The following MINPP1 variants were observed in gnomAD, a reference collection of about 807,000 sequenced individuals.
The protein encoded by MINPP1 is multiple inositol-polyphosphate phosphatase 1.
Under a neutral mutation model 46.1 loss-of-function variants are expected in MINPP1, and 28 were observed. The ratio of observed to expected loss-of-function variants is 0.61; its 90% CI spans 0.45 to 0.83. The LOEUF is 0.83. Among genes scored for constraint, MINPP1 ranks in the 40% least tolerant of loss-of-function variants. The pLI, the probability that MINPP1 is intolerant of heterozygous loss-of-function variation, is 0.00. For synonymous variants in MINPP1, 268 were observed against 249.1 expected (o/e 1.08, Z -0.72); for missense variants, 603 against 610.0 (o/e 0.99, Z 0.12).
At chr10:87,528,100 C>A (rs1217483846) in intron 4 of MINPP1, among the ~76,000 whole-genome samples, 1 of 151,792 alleles carries the variant, frequency 6.6e-6, no homozygotes, top group African/African-American at 2.4e-5. Context: ...TCTTTCTTTT[C>A]TTCTTTATTA....
chr10:87,552,131 A>G lies in MINPP1; in HGVS notation c.1117A>G (p.Thr373Ala). 6.2e-7 allele frequency: 1 copy of G among 1,613,364 alleles called. No individual in the cohort carries two copies. The change falls in exon 5 of 5, where the codon ACT (threonine) becomes GCT (alanine). Residue 373 changes from threonine (T) to alanine (A), a missense_variant. Physicochemically the swap from Thr to Ala is moderately conservative, Grantham distance 58. Transcript: ENST00000371996. ...PVILQFGHAETLLPLLSLMGY... is the reference protein window; with the variant it reads ...PVILQFGHAEALLPLLSLMGY... ...CATCCTCCAGTTTGGTCATGCAGAG[A>G]CTCTTCTTCCACTGCTTTCTCTCAT...
At chr10:87,535,371 A>G (rs1245825954) in intron 4 of MINPP1, among the ~76,000 whole-genome samples, 1 of 152,220 alleles carries the variant, frequency 6.6e-6, no homozygotes, top group African/African-American at 2.4e-5. Context: ...ATCTTTTACT[A>G]CTATGCTTTA....
Position 87,552,092 on chromosome 10 carries a change from A to C in MINPP1, c.1078A>C (p.Ile360Leu), listed in dbSNP as rs776702297. Residue 360 changes from isoleucine (I) to leucine (L), a missense_variant, in exon 5 of 5, where the codon ATT (isoleucine) becomes CTT (leucine). Ile to Leu is a conservative substitution (Grantham distance 5, BLOSUM62 2). This residue lies in a region of MINPP1 where 344 missense variants were observed against 381.1 expected (regional missense o/e 0.90). Transcript: ENST00000371996. ...AVEQKQRSQPISSPVILQFGH... is the reference protein window; with the variant it reads ...AVEQKQRSQPLSSPVILQFGH... Reference sequence around the variant, plus strand: ...AATTTCTATTTGAAGGTCTCAGCCAATTTCTTCTCCAGTCATCCTCCAGTT... The same window carrying C: ...AATTTCTATTTGAAGGTCTCAGCCACTTTCTTCTCCAGTCATCCTCCAGTT... The C allele has an allele frequency of 1.2e-6, 2 of 1,612,128 alleles. No homozygotes were observed. Among genetic ancestry groups the C allele is most frequent in the South Asian group, 2.2e-5 (2 of 90,878 alleles).
At chr10:87,529,309 G>T (rs962225811) in intron 4 of MINPP1, among the ~76,000 whole-genome samples, 40 of 152,238 alleles carry the variant, frequency 2.6e-4, no homozygotes, top group African/African-American at 8.9e-4. Context: ...AGCCTCGATG[G>T]TCTTTACAAT....
intron 4 of MINPP1, among the ~76,000 whole-genome samples, chr10:87,546,398 T>A (rs1851886506): frequency 6.6e-6 from 1 of 152,216 alleles, no homozygotes. Flanking sequence ...GTCACTGTCT[T>A]TGCCCTCTTG....
At chr10:87,524,228 G>T (rs1851543238) in intron 4 of MINPP1, among the ~76,000 whole-genome samples, 1 of 152,192 alleles carries the variant, frequency 6.6e-6, no homozygotes, top group Admixed American at 6.5e-5. Flanking sequence ...AGGACTTGCT[G>T]CTTCAACTTA....
intron 4 of MINPP1, among the ~76,000 whole-genome samples, chr10:87,541,354 C>A (rs945071276): frequency 6.6e-6 from 1 of 152,138 alleles, no homozygotes. Flanking sequence ...GAAGAGCATT[C>A]TGAAATTCTT....
At chr10:87,532,465 A>G (rs1851674008) in intron 4 of MINPP1, among the ~76,000 whole-genome samples, 1 of 152,226 alleles carries the variant, frequency 6.6e-6, no homozygotes. Flanking sequence ...ACCCTTTAAG[A>G]CAGGAAATCG....
Position 87,505,535 on chromosome 10 carries a change from C to A in MINPP1, c.620C>A (p.Pro207Gln), listed in dbSNP as rs1374647901. ...TGGCAGCACTACCACCCTGGCTTGC[C>A]GCCGCCGGACGTCGCAGGTGACCCC... ...GLWQHYHPGL[P>Q]PPDVADMEFG... Residue 207 changes from proline to glutamine, a missense_variant, in exon 1 of 5, where the codon CCG becomes CAG. Transcript: ENST00000371996. The surrounding 1 kb of genome is among the most constrained non-coding windows in gnomAD (Gnocchi z 4.4). The A allele has an allele frequency of 2.5e-6, 4 of 1,607,570 alleles. No individual in the cohort carries two copies. The highest frequency in any genetic ancestry group is 3.4e-6 in the Non-Finnish European group (4 of 1,179,188).
chr10:87,547,975 A>C (rs1851911304), intron 4 of MINPP1, among the ~76,000 whole-genome samples: 1 of 152,218 alleles, frequency 6.6e-6, no homozygotes, highest in African/African-American at 2.4e-5. Flanking sequence ...GCAGGAATGA[A>C]GCCTGAGAGA....
rs1165283539 is a variant in MINPP1 at position 87,513,109 on chromosome 10, T to A, written c.836-15T>A. 1.9e-6 allele frequency: 3 copies of A among 1,591,528 alleles called. No homozygotes were observed. The Admixed American group carries it at 5.0e-5, about 27-fold the overall frequency. On this transcript the variant is annotated splice_polypyrimidine_tract_variant and intron_variant, in intron 2 of 4. Coordinates refer to ENST00000371996, the MANE Select transcript of MINPP1 (RefSeq NM_004897.5). ...AAATAATGACCCACAAAATTTTACC[T>A]TTTTTTCCCCCCAGATTTAATTCAA...
intron 4 of MINPP1, among the ~76,000 whole-genome samples, chr10:87,521,924 ATCCTC>A (rs1294180329): frequency 6.6e-6 from 1 of 152,042 alleles, no homozygotes; most frequent in African/African-American, 2.4e-5. Context: ...GGCTCAAGGA[ATCCTC>A]TCCCGTTGGT....
rs570332955 is a variant in MINPP1 at position 87,542,671 on chromosome 10, G to A, written c.1068-9411G>A. ...GAAACCTGCTTCCCCCTTGCCTTCC[G>A]TCATGATTGTAAGCCTCCTGAGGCC... On this transcript the variant is annotated intron_variant, in intron 4 of 4. Transcript: ENST00000371996. Among the ~76,000 whole-genome samples the A allele has an allele frequency of 5.9e-5, 9 of 152,230 alleles. No individual in the cohort carries two copies. The South Asian group carries it at 1.0e-3, about 18-fold the overall frequency.
intron 4 of MINPP1, among the ~76,000 whole-genome samples, chr10:87,545,249 T>TATTTTATAAGTTTTTCTA (rs1210124356): frequency 1.3e-5 from 2 of 152,130 alleles, no homozygotes; most frequent in African/African-American, 4.8e-5. Flanking sequence ...TTATAAGTTG[T>TATTTTATAAGTTTTTCTA]TTTTCTCTGA....
chr10:87,525,765 C>T (rs555654277), intron 4 of MINPP1, among the ~76,000 whole-genome samples: 1 of 152,320 alleles, frequency 6.6e-6, no homozygotes, highest in Admixed American at 6.5e-5. Context: ...GTCAAGTGCT[C>T]TCATTGTTCA....
chr10:87,550,663 C>A (rs1851950452), intron 4 of MINPP1, among the ~76,000 whole-genome samples: 1 of 151,996 alleles, frequency 6.6e-6, no homozygotes, highest in Non-Finnish European at 1.5e-5. Context: ...CAGAGCCCCC[C>A]CGTTCTGGTG....
In MINPP1 at chr10:87,527,059, G is replaced by T. The variant is rs981917202; in HGVS notation, c.1067+5890G>T. Among the ~76,000 whole-genome samples, 6 of 152,294 alleles carry T rather than the reference G, an allele frequency of 3.9e-5. No homozygotes were observed. In the East Asian group the frequency reaches 1.2e-3, roughly 29 times the overall value. ...TTTTTGGTTCCATGCGAACTTTAAA[G>T]TAGTTTTTTCCAATTCTGTGAAAAA... is the stretch of plus-strand genomic sequence containing the variant. On this transcript the variant is annotated intron_variant, in intron 4 of 4. Coordinates refer to ENST00000371996, the MANE Select transcript of MINPP1 (RefSeq NM_004897.5).
intron 4 of MINPP1, among the ~76,000 whole-genome samples, chr10:87,524,963 TA>T (rs1851554667): frequency 3.3e-5 from 2 of 59,734 alleles, no homozygotes; most frequent in Admixed American, 3.0e-4. Context: ...TAAAATGTGA[TA>T]CATTACTAAA....
At chr10:87,546,862 C>T (rs1043784123) in intron 4 of MINPP1, among the ~76,000 whole-genome samples, 2 of 152,032 alleles carry the variant, frequency 1.3e-5, no homozygotes, top group East Asian at 3.9e-4. Flanking sequence ...CCCAGGAGGT[C>T]GAGGCTGCAG....
Sources: allele counts gnomAD v4.1 joint callset (sites outside exome capture counted in the v4.1 genomes callset), GRCh38; gene constraint gnomAD v4.1.1; regional missense constraint gnomAD v4.1.1; non-coding constraint Gnocchi (gnomAD v3.1); transcripts MANE v1.5; gene names NCBI Gene and HGNC (gene_info 2026-07-23, HGNC 2026-07-21).